The following STAT5A variants were observed in gnomAD, a reference collection of about 807,000 sequenced individuals.
The protein encoded by STAT5A is signal transducer and activator of transcription 5A, also known as epididymis secretory sperm binding protein.
Under a neutral mutation model 100.2 loss-of-function variants are expected in STAT5A, and 26 were observed. The observed-to-expected ratio is 0.26, with a 90% CI of 0.19 to 0.36. The LOEUF (loss-of-function observed/expected upper bound fraction) is 0.36. Ranked by LOEUF, STAT5A falls within the 10% of genes least tolerant of loss-of-function variation. The pLI, the probability that STAT5A is intolerant of heterozygous loss-of-function variation, is 1.00. For missense variants in STAT5A, 634 were observed against 1,027.5 expected (o/e 0.62, Z 5.24); for synonymous variants, 330 against 424.3 (o/e 0.78, Z 2.73).
In STAT5A at chr17:42,311,112, G is replaced by GAGAGAGAA. The variant is rs2081076903; in HGVS notation, c.*451_*458dup. ...TAAGAGAGAGAGACAGAGAGACAGA[G>GAGAGAGAA]AGAGAGAAAGAGAGAGTGTGTGGGT... On this transcript the variant is annotated 3_prime_UTR_variant, in exon 19 of 19. Transcript: ENST00000590949. 4.8e-6 allele frequency: 1 copy of GAGAGAGAA among 206,708 alleles called. No individual in the cohort carries two copies. The highest frequency in any genetic ancestry group is 2.2e-5 in the African/African-American group (1 of 44,686). The allele number at this position is 206,708 out of a possible 1,614,324, so 12.8% of individuals were successfully genotyped here. A position where few individuals can be genotyped will look rare whatever the true frequency, so the allele number is the denominator to read the frequency against.
In STAT5A at chr17:42,304,835, G is replaced by A. The variant is rs2081013208; in HGVS notation, c.1380+183G>A. The stretch of plus-strand genomic sequence containing the variant: ...TAGGCAATGGGCTAAGAAGAAGTCG[G>A]TTGTAGTTTTTGTTTGTTTGCTTGT... On this transcript the variant is annotated intron_variant, in intron 11 of 18. Transcript: ENST00000590949. The surrounding 1 kb of genome is among the most constrained non-coding windows in gnomAD (Gnocchi z 4.8). 6.6e-6 allele frequency among the ~76,000 whole-genome samples: 1 copy of A among 152,242 alleles called. No homozygotes were observed. The highest frequency in any genetic ancestry group is 2.4e-5 in the African/African-American group (1 of 41,466).
Position 42,308,664 on chromosome 17 carries a change from C to T in STAT5A, c.2062+331C>T. 6.1e-6 allele frequency: 3 copies of T among 488,564 alleles called. No homozygotes were observed. In the South Asian group the frequency reaches 6.8e-5, roughly 11 times the overall value. 30.3% of individuals were successfully genotyped at this position (488,564 alleles called of 1,614,324 possible). A position where few individuals can be genotyped will look rare whatever the true frequency, so the allele number is the denominator to read the frequency against. ...AGTGCTCCGCTCCCCACCTCACCAG[C>T]TGCTCTCCACACCCTGCTCACAAAC... On this transcript the variant is annotated intron_variant, in intron 16 of 18. Transcript: ENST00000590949. This position sits in a 1 kb window ranked among gnomAD's most constrained non-coding sequence, Gnocchi z 4.6.
chr17:42,294,399 C>T (rs1014844828), intron 4 of STAT5A, among the ~76,000 whole-genome samples: 2 of 152,116 alleles, frequency 1.3e-5, no homozygotes, highest in African/African-American at 4.8e-5. Flanking sequence ...CTTCCTCCAA[C>T]CATACAACTG....
rs2080911902 is a variant in STAT5A, at chr17:42,295,673, A to G, written c.430A>G (p.Ile144Val). ...CGCCATGTCCCAGAAGCACCTTCAG[A>G]TCAACCAGACATTTGAGGAGCTGCG... ...VDAMSQKHLQ[I>V]NQTFEELRLV... The change falls in exon 5 of 19, where the codon ATC (isoleucine) becomes GTC (valine). Residue 144 changes from isoleucine to valine, a missense_variant. Coordinates refer to ENST00000590949, the MANE Select transcript of STAT5A (RefSeq NM_001288718.2). 3 of 1,613,928 alleles carry G rather than the reference A, an allele frequency of 1.9e-6. No individual in the cohort carries two copies. Among genetic ancestry groups the G allele is most frequent in the Non-Finnish European group, 2.5e-6 (3 of 1,179,954 alleles).
At position 42,310,628 on chromosome 17, in the gene STAT5A, C is replaced by A; in HGVS notation, c.2344C>A (p.Pro782Thr). The A allele has an allele frequency of 6.2e-7, 1 of 1,614,222 alleles. No homozygotes were observed. The stretch of plus-strand genomic sequence containing the variant: ...CAGTCTTGACTCCCGCCTCTCGCCC[C>A]CTGCCGGTCTTTTCACCTCTGCCAG... ...MDSLDSRLSP[P>T]AGLFTSARGS... Residue 782 changes from proline (P) to threonine (T), a missense_variant, in exon 19 of 19, where the codon CCT (proline) becomes ACT (threonine). Physicochemically the swap from Pro to Thr is conservative, Grantham distance 38. Transcript: ENST00000590949.
intron 13 of STAT5A, 84 bp downstream of exon 13, chr17:42,306,531 G>T: frequency 6.5e-7 from 1 of 1,543,344 alleles, no homozygotes. Flanking sequence ...ACTGCCTGGG[G>T]CTAGCACCCC....
Position 42,304,146 on chromosome 17 carries a change from C to T in STAT5A, c.1170-196C>T. 1 of 595,150 alleles carries T rather than the reference C, an allele frequency of 1.7e-6. No homozygotes were observed. The highest frequency in any genetic ancestry group is 3.0e-6 in the Non-Finnish European group (1 of 334,678). 36.9% of individuals were successfully genotyped at this position (595,150 alleles called of 1,614,324 possible). A position where few individuals can be genotyped will look rare whatever the true frequency, so the allele number is the denominator to read the frequency against. ...AGATCCAGACCTCACCACTGGAGAC[C>T]TTGCCTTGGGTGCTGGGCACCAGGT... On this transcript the variant is annotated intron_variant, in intron 9 of 18. Coordinates refer to ENST00000590949, the MANE Select transcript of STAT5A (RefSeq NM_001288718.2). This position sits in a 1 kb window ranked among gnomAD's most constrained non-coding sequence, Gnocchi z 4.8.
In STAT5A at chr17:42,301,523, T is replaced by A. The variant is rs1363840933; in HGVS notation, c.1169+69T>A. ...GGACCTGCACCCCCCGCTTTGTCCTTGCATCCAGCTATGTCTTGTCCCCTA... is the reference window on the plus strand; with the variant it reads ...GGACCTGCACCCCCCGCTTTGTCCTAGCATCCAGCTATGTCTTGTCCCCTA... On this transcript the variant is annotated intron_variant, in intron 9 of 18. Coordinates refer to ENST00000590949, the MANE Select transcript of STAT5A (RefSeq NM_001288718.2). 4.4e-6 allele frequency: 7 copies of A among 1,584,866 alleles called. No individual in the cohort carries two copies. In the Admixed American group the frequency reaches 1.2e-4, roughly 28 times the overall value.
rs988135840 is a variant in STAT5A, at chr17:42,304,557, C to T, written c.1285C>T (p.Arg429Trp). The change falls in exon 11 of 19, where the codon CGG becomes TGG. Residue 429 changes from arginine to tryptophan, a missense_variant. By Grantham distance (101) the Arg-to-Trp change is moderately radical. This residue lies in a region of STAT5A where 210 missense variants were observed against 428.4 expected (regional missense o/e 0.49). Coordinates refer to ENST00000590949, the MANE Select transcript of STAT5A (RefSeq NM_001288718.2). The surrounding 1 kb of genome is among the most constrained non-coding windows in gnomAD (Gnocchi z 4.8). ...MSLKRIKRAD[R>W]RGAESVTEEK... ...ACTGAAGAGGATCAAGCGTGCTGACCGGCGGGGTGCAGAGTCCGTGACAGA... is the reference window on the plus strand; with the variant it reads ...ACTGAAGAGGATCAAGCGTGCTGACTGGCGGGGTGCAGAGTCCGTGACAGA... 8 of 1,614,102 alleles carry T rather than the reference C, an allele frequency of 5.0e-6. No individual in the cohort carries two copies. Among genetic ancestry groups the T allele is most frequent in the Non-Finnish European group, 6.8e-6 (8 of 1,180,046 alleles).
chr17:42,309,903 C>T (rs2081064268), intron 18 of STAT5A, among the ~76,000 whole-genome samples: 1 of 152,190 alleles, frequency 6.6e-6, no homozygotes, highest in Non-Finnish European at 1.5e-5. Context: ...AATTAATTCC[C>T]TTCCTCACTG....
chr17:42,310,413 G>C, intron 18 of STAT5A, 94 bp from the exon 19 acceptor site: 1 of 1,402,462 alleles, frequency 7.1e-7, no homozygotes, highest in Non-Finnish European at 9.9e-7. Context: ...CTCATGAGAC[G>C]GGTTTGAGTG....
At chr17:42,303,452 G>A (rs771117595) in intron 9 of STAT5A, among the ~76,000 whole-genome samples, 4 of 152,218 alleles carry the variant, frequency 2.6e-5, no homozygotes, top group Non-Finnish European at 1.5e-5. Context: ...GCTCACGCCT[G>A]TAATCCCAGC....
At chr17:42,302,400 G>T (rs1567691746) in intron 9 of STAT5A, among the ~76,000 whole-genome samples, 1 of 152,126 alleles carries the variant, frequency 6.6e-6, no homozygotes, top group Non-Finnish European at 1.5e-5. Flanking sequence ...ACAGTCTTAG[G>T]CTCCTGGTGG....
rs771571620 is a variant in STAT5A at position 42,309,031 on chromosome 17, G to A, written c.2063-16G>A. On this transcript the variant is annotated splice_polypyrimidine_tract_variant and intron_variant, in intron 16 of 18. Coordinates refer to ENST00000590949, the MANE Select transcript of STAT5A (RefSeq NM_001288718.2). The stretch of plus-strand genomic sequence containing the variant: ...CCCAGAGACTTTGGTTCTCACCACT[G>A]TTCTTCCCTTGACAGCTAAAGCTGT... 8.7e-6 allele frequency: 14 copies of A among 1,614,090 alleles called. No homozygotes were observed. Among genetic ancestry groups the A allele is most frequent in the Admixed American group, 1.7e-5 (1 of 60,010 alleles).
chr17:42,303,128 C>T (rs1356514308), intron 9 of STAT5A, among the ~76,000 whole-genome samples: 9 of 152,124 alleles, frequency 5.9e-5, no homozygotes, highest in Admixed American at 5.9e-4. Flanking sequence ...AGCCTGTAAT[C>T]CCAGCTACTC....
At chr17:42,298,572 C>T (rs1000949840) in intron 5 of STAT5A, among the ~76,000 whole-genome samples, 10 of 147,298 alleles carry the variant, frequency 6.8e-5, no homozygotes, top group Middle Eastern at 3.6e-3. Flanking sequence ...TCTGGGTTCA[C>T]GCCATTCTCC....
intron 8 of STAT5A, 78 bp from the exon 9 acceptor site, chr17:42,301,196 AC>A: frequency 6.4e-7 from 1 of 1,554,246 alleles, no homozygotes; most frequent in Non-Finnish European, 8.7e-7. Context: ...AGGCAGCCCC[AC>A]CCCCACCACA....
At chr17:42,290,289 G>A in intron 3 of STAT5A, 1 of 344,700 alleles carries the variant, frequency 2.9e-6, no homozygotes, top group East Asian at 5.9e-5. Context: ...AAGGGATGGA[G>A]GGAGACTGAG....
chr17:42,291,723 GA>G lies in STAT5A; in HGVS notation c.286-235del, dbSNP rs57592406. ...CAAGAGCAAAACTCCATCTCAAAAA[GA>G]AAAAAAAAAAAAAGAGAAAGTGCCT... On this transcript the variant is annotated intron_variant, in intron 3 of 18. Transcript: ENST00000590949. 5.2e-3 allele frequency among the ~76,000 whole-genome samples: 573 copies of G among 110,990 alleles called. 1 individual carries two copies. The highest frequency in any genetic ancestry group is 0.014 in the African/African-American group (434 of 30,914). 72.8% of individuals were successfully genotyped at this position (110,990 alleles called of 152,430 possible).
Sources: gnomAD v4.1 joint callset for allele counts (sites outside exome capture counted in the v4.1 genomes callset) on GRCh38, gnomAD v4.1.1 for gene constraint, gnomAD v4.1.1 regional missense constraint, Gnocchi (gnomAD v3.1) non-coding constraint, MANE v1.5 for transcripts, NCBI Gene and HGNC (gene_info 2026-07-23, HGNC 2026-07-21) for gene names.